GPR143: variants seen among roughly 807,000 people sequenced by gnomAD.
The protein encoded by GPR143 is G protein-coupled receptor 143, also known as G-protein coupled receptor 143.
GPR143 carries 8 observed loss-of-function variants against 27.6 expected under a neutral mutation model. The observed-to-expected ratio is 0.29, with a 90% confidence interval of 0.17 to 0.52. The LOEUF (loss-of-function observed/expected upper bound fraction) is 0.52. GPR143 is among the 20% of genes least tolerant of loss of function. The pLI is 0.96. For missense variants in GPR143, 303 were observed against 343.1 expected (o/e 0.88, Z 0.92); for synonymous variants, 156 against 153.2 (o/e 1.02, Z -0.13).
At position 9,764,934 on chromosome X, in the gene GPR143, G is replaced by T. The variant is rs1242747799; in HGVS notation, c.250+634C>A. The stretch of plus-strand genomic sequence containing the variant: ...AGCTACTCGGGAGGCTGAGGCAAGA[G>T]AATCCCTTGAACCCGGGAGGTGGAG... On this transcript the variant is annotated intron_variant, in intron 1 of 8. Transcript: ENST00000467482. Among the ~76,000 whole-genome samples the T allele has an allele frequency of 2.8e-5, 3 of 107,381 alleles. No homozygotes were observed. The East Asian group carries it at 8.8e-4, about 31-fold the overall frequency. 93.2% of individuals were successfully genotyped at this position (107,381 alleles called of 115,157 possible).
At chrX:9,775,815 G>A (rs907246149) in intron 1 of GPR143, among the ~76,000 whole-genome samples, 1 of 112,353 alleles carries the variant, frequency 8.9e-6, no homozygotes, top group Non-Finnish European at 1.9e-5. Flanking sequence ...GTGGTTTCAA[G>A]GAAGTGTGTG....
At chrX:9,777,590 TG>T (rs1165720591) in intron 1 of GPR143, among the ~76,000 whole-genome samples, 1 of 111,344 alleles carries the variant, frequency 9.0e-6, no homozygotes, top group Non-Finnish European at 1.9e-5. Flanking sequence ...CACAATGCCA[TG>T]TCTATTCCTT....
intron 2 of GPR143, 109 bp downstream of exon 2, chrX:9,760,608 G>C (rs764983131): frequency 3.9e-6 from 2 of 512,490 alleles, no homozygotes; most frequent in South Asian, 5.2e-5. Flanking sequence ...CAGCAGGATG[G>C]GGCAGGACGT....
At chrX:9,761,340 C>T (rs999524820) in intron 1 of GPR143, among the ~76,000 whole-genome samples, 4 of 112,458 alleles carry the variant, frequency 3.6e-5, no homozygotes, top group African/African-American at 6.4e-5. Context: ...GTGATCTGTC[C>T]GCCTTGGTCT....
Position 9,741,349 on chromosome X carries a change from A to C in GPR143, c.874T>G (p.Trp292Gly), listed in dbSNP as rs62635045. 3 of 921,295 alleles carry C rather than the reference A, an allele frequency of 3.3e-6. No individual in the cohort carries two copies. The highest frequency in any genetic ancestry group is 4.7e-6 in the Non-Finnish European group (3 of 635,033). The allele number at this position is 921,295 out of a possible 1,213,427, so 75.9% of individuals were successfully genotyped here. A position where few individuals can be genotyped will look rare whatever the true frequency, so the allele number is the denominator to read the frequency against. ...ATAGATTGACCTACCATAATAAACC[A>C]TGTGGTCTTGGCTGCAGTTCTGACA... ...KPVRTAAKTT[W>G]FIMGILNPAQ... The change falls in exon 7 of 9, where the codon TGG (tryptophan) becomes GGG (glycine). Residue 292 changes from tryptophan to glycine, a missense_variant. Transcript: ENST00000467482.
intron 1 of GPR143, among the ~76,000 whole-genome samples, chrX:9,762,453 C>T: frequency 9.0e-6 from 1 of 111,473 alleles, no homozygotes; most frequent in African/African-American, 3.3e-5. Context: ...AAGCTACATA[C>T]TATGTAGTAG....
At chrX:9,750,889 C>T (rs921054071) in intron 3 of GPR143, among the ~76,000 whole-genome samples, 1 of 112,522 alleles carries the variant, frequency 8.9e-6, no homozygotes, top group Non-Finnish European at 1.9e-5. Flanking sequence ...TATAAGCTGC[C>T]GCCAGTCTGT....
chrX:9,739,365 A>G, intron 8 of GPR143, 120 bp downstream of exon 8: 1 of 519,975 alleles, frequency 1.9e-6, no homozygotes, highest in Non-Finnish European at 3.4e-6. Flanking sequence ...TTCACATGAG[A>G]GGTGCTGCTG....
At chrX:9,733,358 T>C (rs1278068627) in intron 8 of GPR143, among the ~76,000 whole-genome samples, 1 of 110,362 alleles carries the variant, frequency 9.1e-6, no homozygotes, top group Non-Finnish European at 1.9e-5. Context: ...AGATTCCAGG[T>C]ATTATGGGAG....
At chrX:9,743,014 G>T (rs1484983614) in intron 6 of GPR143, among the ~76,000 whole-genome samples, 1 of 110,895 alleles carries the variant, frequency 9.0e-6, no homozygotes, top group Non-Finnish European at 1.9e-5. Context: ...GGCTGAGGCA[G>T]AAGAATCACT....
At chrX:9,769,006 C>T (rs977965177), upstream of GPR143, among the ~76,000 whole-genome samples, 3 of 111,677 alleles carry the variant, frequency 2.7e-5, no homozygotes, top group African/African-American at 9.8e-5. Context: ...AACAGTACAA[C>T]TACAAATCTG....
intron 1 of GPR143, among the ~76,000 whole-genome samples, chrX:9,774,994 G>A (rs1041957690): frequency 9.0e-6 from 1 of 111,258 alleles, no homozygotes; most frequent in East Asian, 2.8e-4. Flanking sequence ...CTCCTGAGTA[G>A]CAGAGACGAC....
chrX:9,727,643 TC>T (rs1267172664), intron 8 of GPR143, among the ~76,000 whole-genome samples: 2 of 112,914 alleles, frequency 1.8e-5, no homozygotes, highest in Non-Finnish European at 3.7e-5. Context: ...GAATTATTCT[TC>T]CAATCCCCAA....
intron 1 of GPR143, among the ~76,000 whole-genome samples, chrX:9,765,239 G>A (rs1199872193): frequency 9.0e-6 from 1 of 111,337 alleles, no homozygotes; most frequent in Non-Finnish European, 1.9e-5. Flanking sequence ...GTCTCAACCT[G>A]CGGGCCACGC....
chrX:9,735,758 A>G (rs1257963406), intron 8 of GPR143, among the ~76,000 whole-genome samples: 1 of 111,843 alleles, frequency 8.9e-6, no homozygotes, highest in African/African-American at 3.3e-5. Context: ...TTGGTCTTGT[A>G]GTGAAACCCG....
At chrX:9,775,606 C>G (rs1054100599) in intron 1 of GPR143, among the ~76,000 whole-genome samples, 2 of 111,806 alleles carry the variant, frequency 1.8e-5, no homozygotes, top group African/African-American at 6.5e-5. Context: ...GAATCAAACC[C>G]AGGCAGATGA....
intron 3 of GPR143, among the ~76,000 whole-genome samples, chrX:9,756,367 T>C (rs933090238): frequency 9.8e-5 from 11 of 111,861 alleles, no homozygotes; most frequent in African/African-American, 3.6e-4. Flanking sequence ...GAATAAGAAA[T>C]CAAGGAAAGA....
intron 1 of GPR143, among the ~76,000 whole-genome samples, chrX:9,765,181 TC>T (rs2083524207): frequency 1.8e-5 from 2 of 111,265 alleles, no homozygotes; most frequent in Non-Finnish European, 3.8e-5. Context: ...CCCGAGTGGA[TC>T]GAGTTCCAAC....
chrX:9,751,348 T>G (rs1204269179), intron 3 of GPR143, among the ~76,000 whole-genome samples: 1 of 112,493 alleles, frequency 8.9e-6, no homozygotes, highest in Non-Finnish European at 1.9e-5. Flanking sequence ...ACCAGCATCC[T>G]GTGCTCAGGG....
Sources: gnomAD v4.1 joint callset for allele counts (sites outside exome capture counted in the v4.1 genomes callset) on GRCh38, gnomAD v4.1.1 for gene constraint, MANE v1.5 for transcripts, NCBI Gene and HGNC (gene_info 2026-07-23, HGNC 2026-07-21) for gene names.